The following GRM3 variants were observed in gnomAD, a reference collection of about 807,000 sequenced individuals.
The protein encoded by GRM3 is metabotropic glutamate receptor 3.
Under a neutral mutation model 70.5 loss-of-function variants are expected in GRM3, and 26 were observed. The observed-to-expected ratio is 0.37, with a 90% CI of 0.27 to 0.51. The LOEUF is 0.51. Among genes scored for constraint, GRM3 ranks in the 20% least tolerant of loss-of-function variants. The pLI is 0.93. For missense variants in GRM3, 859 were observed against 1,123.8 expected (o/e 0.76, Z 3.37); for synonymous variants, 443 against 434.9 (o/e 1.02, Z -0.23).
chr7:86,768,888 G>C (rs1796670322), intron 2 of GRM3, among the ~76,000 whole-genome samples: 1 of 152,092 alleles, frequency 6.6e-6, no homozygotes. Context: ...TCAATACAGG[G>C]TCCTGTATTC....
intron 3 of GRM3, among the ~76,000 whole-genome samples, chr7:86,795,838 G>A (rs1797535952): frequency 6.6e-6 from 1 of 152,184 alleles, no homozygotes; most frequent in African/African-American, 2.4e-5. Context: ...TTCCACAATG[G>A]TTGATCTAAT....
intron 1 of GRM3, among the ~76,000 whole-genome samples, chr7:86,735,357 A>AC (rs1795834593): frequency 6.6e-6 from 1 of 152,016 alleles, no homozygotes; most frequent in South Asian, 2.1e-4. Flanking sequence ...TTGAAGTCAG[A>AC]CAAAAAAAAA....
intron 3 of GRM3, among the ~76,000 whole-genome samples, chr7:86,817,915 G>T (rs1245478981): frequency 6.6e-6 from 1 of 151,992 alleles, no homozygotes; most frequent in Non-Finnish European, 1.5e-5. Context: ...GAGGCAGAAA[G>T]AGAATTTGAA....
chr7:86,675,664 A>G (rs556661169), intron 1 of GRM3, among the ~76,000 whole-genome samples: 1 of 152,230 alleles, frequency 6.6e-6, no homozygotes, highest in African/African-American at 2.4e-5. Flanking sequence ...TGCAAGTAGA[A>G]TATTGATCTG....
At chr7:86,649,601 CA>C (rs1452782468) in intron 1 of GRM3, among the ~76,000 whole-genome samples, 3 of 151,864 alleles carry the variant, frequency 2.0e-5, no homozygotes, top group Non-Finnish European at 4.4e-5. Context: ...TACACACACA[CA>C]TATTTGAGTA....
intron 1 of GRM3, among the ~76,000 whole-genome samples, chr7:86,665,972 AT>A (rs1562818633): frequency 6.6e-6 from 1 of 152,064 alleles, no homozygotes; most frequent in African/African-American, 2.4e-5. Context: ...TGTCATTCAC[AT>A]TTTGTGAATA....
intron 1 of GRM3, among the ~76,000 whole-genome samples, chr7:86,717,934 A>T (rs554090990): frequency 9.4e-6 from 1 of 106,580 alleles, no homozygotes; most frequent in Non-Finnish European, 1.9e-5. Context: ...TAGAAAATAC[A>T]GTATCAGCTT....
chr7:86,714,364 A>G (rs929323917), intron 1 of GRM3, among the ~76,000 whole-genome samples: 1 of 152,024 alleles, frequency 6.6e-6, no homozygotes, highest in Non-Finnish European at 1.5e-5. Flanking sequence ...CTCAAATAAT[A>G]GTAATAATAA....
chr7:86,682,650 A>G (rs1391841899), intron 1 of GRM3, among the ~76,000 whole-genome samples: 1 of 152,148 alleles, frequency 6.6e-6, no homozygotes, highest in Non-Finnish European at 1.5e-5. Context: ...ACCAATTTCA[A>G]TTTTCACATT....
Position 86,859,233 on chromosome 7 carries a change from A to T in GRM3, c.2567-5049A>T, listed in dbSNP as rs147563329. ...TACTTTGGCCTCCCAAGGTGCAGAG[A>T]TTTCAGGCCCAACCCACTGCACCAG... On this transcript the variant is annotated intron_variant, in intron 5 of 5. Coordinates refer to ENST00000361669, the MANE Select transcript of GRM3 (RefSeq NM_000840.3). 6.8e-4 allele frequency among the ~76,000 whole-genome samples: 104 copies of T among 152,268 alleles called. 1 individual carries two copies. Among genetic ancestry groups the T allele is most frequent in the African/African-American group, 2.3e-3 (94 of 41,560 alleles).
intron 1 of GRM3, among the ~76,000 whole-genome samples, chr7:86,723,847 C>T (rs1294050563): frequency 6.6e-6 from 1 of 152,124 alleles, no homozygotes; most frequent in Non-Finnish European, 1.5e-5. Flanking sequence ...ATAGATTGTA[C>T]CAAGCTGTAG....
intron 2 of GRM3, among the ~76,000 whole-genome samples, chr7:86,781,165 A>G (rs2116507142): frequency 6.6e-6 from 1 of 152,272 alleles, no homozygotes; most frequent in South Asian, 2.1e-4. Context: ...CACATCTGCA[A>G]CAATTAGAAC....
intron 2 of GRM3, among the ~76,000 whole-genome samples, chr7:86,768,871 G>A (rs1411503954): frequency 1.3e-5 from 2 of 152,060 alleles, no homozygotes; most frequent in Non-Finnish European, 2.9e-5. Context: ...CCCTTCCAAG[G>A]AACCCTTCAA....
chr7:86,680,064 G>A (rs1007258287), intron 1 of GRM3, among the ~76,000 whole-genome samples: 1 of 152,026 alleles, frequency 6.6e-6, no homozygotes, highest in Non-Finnish European at 1.5e-5. Context: ...TGTACCAGGT[G>A]GTCTGACTGT....
intron 1 of GRM3, among the ~76,000 whole-genome samples, chr7:86,745,707 C>G (rs1796086200): frequency 6.6e-6 from 1 of 151,926 alleles, no homozygotes; most frequent in Admixed American, 6.6e-5. Context: ...TGTATACATG[C>G]CTAATTTTTC....
chr7:86,695,841 G>A (rs1191885531), intron 1 of GRM3, among the ~76,000 whole-genome samples: 1 of 152,016 alleles, frequency 6.6e-6, no homozygotes, highest in Admixed American at 6.6e-5. Flanking sequence ...AGACAATGAT[G>A]GTGCTTTTTT....
chr7:86,768,504 A>C (rs1237601048), intron 2 of GRM3, among the ~76,000 whole-genome samples: 3 of 152,192 alleles, frequency 2.0e-5, no homozygotes, highest in Non-Finnish European at 4.4e-5. Flanking sequence ...TGTGCTCTGA[A>C]ATAACAGTAA....
intron 3 of GRM3, among the ~76,000 whole-genome samples, chr7:86,793,400 G>A (rs947270402): frequency 1.3e-5 from 2 of 152,212 alleles, no homozygotes; most frequent in African/African-American, 4.8e-5. Flanking sequence ...CACATCTTTA[G>A]ATGAATGGGC....
chr7:86,833,064 G>A (rs892318633), intron 3 of GRM3: 25 of 977,838 alleles, frequency 2.6e-5, no homozygotes, highest in Non-Finnish European at 3.0e-5. Context: ...GAAAGGTGAA[G>A]TGATGTATTT....
Sources: allele counts gnomAD v4.1 joint callset (sites outside exome capture counted in the v4.1 genomes callset), GRCh38; gene constraint gnomAD v4.1.1; transcripts MANE v1.5; gene names NCBI Gene and HGNC (gene_info 2026-07-23, HGNC 2026-07-21).